The following CHSY3 variants were observed in gnomAD, a reference collection of about 807,000 sequenced individuals.
The protein encoded by CHSY3 is N-acetylgalactosaminyl-proteoglycan 3-beta-glucuronosyltransferase 3.
Under a neutral mutation model 67.2 loss-of-function variants are expected in CHSY3, and 35 were observed. The observed-to-expected ratio is 0.52, with a 90% CI of 0.40 to 0.69. The LOEUF is 0.69. CHSY3 is among the 30% of genes least tolerant of loss of function. The pLI is 0.00. For synonymous variants in CHSY3, 474 were observed against 434.7 expected (o/e 1.09, Z -1.12); for missense variants, 1,069 against 1,138.5 (o/e 0.94, Z 0.88).
At chr5:130,023,947 A>G (rs1764465005) in intron 2 of CHSY3, among the ~76,000 whole-genome samples, 1 of 151,864 alleles carries the variant, frequency 6.6e-6, no homozygotes, top group South Asian at 2.1e-4. Flanking sequence ...TCAAAGGGAA[A>G]TACAAGCTTT....
intron 2 of CHSY3, among the ~76,000 whole-genome samples, chr5:129,948,183 A>T (rs919660638): frequency 1.3e-5 from 2 of 152,120 alleles, no homozygotes; most frequent in Non-Finnish European, 2.9e-5. Flanking sequence ...AGATATTTTT[A>T]TTTATTTTTT....
At chr5:130,064,532 G>A (rs538644647) in intron 2 of CHSY3, among the ~76,000 whole-genome samples, 2 of 152,222 alleles carry the variant, frequency 1.3e-5, no homozygotes, top group Admixed American at 6.5e-5. Context: ...CTTCTATGGC[G>A]CATGTTAAGA....
intron 2 of CHSY3, among the ~76,000 whole-genome samples, chr5:130,133,683 A>AGGCCTC: frequency 6.7e-6 from 1 of 150,316 alleles, no homozygotes; most frequent in Admixed American, 6.7e-5. Context: ...GAGGCACGAG[A>AGGCCTC]ATTGCTTGAA....
At position 129,999,124 on chromosome 5, in the gene CHSY3, C is replaced by CT. The variant is rs376975711; in HGVS notation, c.1086+90777dup. Among the ~76,000 whole-genome samples the CT allele has an allele frequency of 2.4e-3, 341 of 141,704 alleles. 4 individuals carry two copies. Among genetic ancestry groups the CT allele is most frequent in the African/African-American group, 4.5e-3 (176 of 38,964 alleles). 93.0% of individuals were successfully genotyped at this position (141,704 alleles called of 152,430 possible). On this transcript the variant is annotated intron_variant, in intron 2 of 2. Coordinates refer to ENST00000305031, the MANE Select transcript of CHSY3 (RefSeq NM_175856.5). ...AAATACAGATCTAGCTCCCCCCTCC[C>CT]TTTTTTTTTTTTTGTTTCCTGTGTG...
intron 2 of CHSY3, among the ~76,000 whole-genome samples, chr5:130,076,639 T>TA (rs1766264442): frequency 6.6e-6 from 1 of 151,996 alleles, no homozygotes; most frequent in African/African-American, 2.4e-5. Flanking sequence ...TATGTTAAGA[T>TA]ACATACACAT....
At chr5:129,939,732 T>G (rs1761638246) in intron 2 of CHSY3, among the ~76,000 whole-genome samples, 1 of 152,216 alleles carries the variant, frequency 6.6e-6, no homozygotes, top group South Asian at 2.1e-4. Context: ...TTGAAAATGA[T>G]AGGCTGAAAA....
intron 2 of CHSY3, among the ~76,000 whole-genome samples, chr5:130,069,283 G>A (rs1765984750): frequency 6.6e-6 from 1 of 151,946 alleles, no homozygotes. Context: ...TGTGAATATT[G>A]ATCTATGACC....
chr5:129,950,277 C>T (rs1248842611), intron 2 of CHSY3, among the ~76,000 whole-genome samples: 1 of 151,926 alleles, frequency 6.6e-6, no homozygotes, highest in African/African-American at 2.4e-5. Flanking sequence ...AGAAATGTAC[C>T]TCACTACAGT....
In CHSY3 at chr5:130,086,775, T is replaced by G. The variant is rs1422049029; in HGVS notation, c.1087-97454T>G. Among the ~76,000 whole-genome samples, 3 of 152,086 alleles carry G rather than the reference T, an allele frequency of 2.0e-5. No individual in the cohort carries two copies. In the East Asian group the frequency reaches 5.8e-4, roughly 29 times the overall value. ...AGGACCACATGGATTCACAGCCGAA[T>G]TCTACCAGAGGTACAAGGAGGAACT... On this transcript the variant is annotated intron_variant, in intron 2 of 2. Coordinates refer to ENST00000305031, the MANE Select transcript of CHSY3 (RefSeq NM_175856.5).
chr5:130,158,626 A>G (rs1208598368), intron 2 of CHSY3, among the ~76,000 whole-genome samples: 1 of 152,192 alleles, frequency 6.6e-6, no homozygotes, highest in African/African-American at 2.4e-5. Flanking sequence ...AGGATCAGCC[A>G]TTAGTCAAGG....
chr5:129,932,486 C>A (rs1761348853), intron 2 of CHSY3, among the ~76,000 whole-genome samples: 1 of 151,706 alleles, frequency 6.6e-6, no homozygotes, highest in Admixed American at 6.6e-5. Flanking sequence ...TGTGTTTGGC[C>A]CAAAAATTGG....
chr5:129,931,510 C>T (rs1277625573), intron 2 of CHSY3, among the ~76,000 whole-genome samples: 1 of 152,050 alleles, frequency 6.6e-6, no homozygotes, highest in African/African-American at 2.4e-5. Flanking sequence ...AGACATTATA[C>T]AAGTTATTGT....
intron 2 of CHSY3, among the ~76,000 whole-genome samples, chr5:129,955,535 T>A (rs1017001688): frequency 2.0e-5 from 3 of 151,108 alleles, no homozygotes; most frequent in African/African-American, 7.3e-5. Flanking sequence ...TATTATTATA[T>A]ATATACATAT....
At chr5:130,076,932 C>T (rs1451512086) in intron 2 of CHSY3, among the ~76,000 whole-genome samples, 1 of 138,090 alleles carries the variant, frequency 7.2e-6, no homozygotes, top group Non-Finnish European at 1.5e-5. Flanking sequence ...GAACTTCACA[C>T]TCTGGGGACT....
intron 2 of CHSY3, among the ~76,000 whole-genome samples, chr5:129,917,810 G>A (rs1760780281): frequency 6.6e-6 from 1 of 152,146 alleles, no homozygotes; most frequent in Admixed American, 6.6e-5. Context: ...AAAAAATTCT[G>A]ATGCTGGACC....
Position 129,977,457 on chromosome 5 carries a change from A to G in CHSY3, c.1086+69097A>G, listed in dbSNP as rs80262632. 6.0e-3 allele frequency among the ~76,000 whole-genome samples: 908 copies of G among 152,318 alleles called. 8 individuals carry two copies. The highest frequency in any genetic ancestry group is 0.021 in the African/African-American group (873 of 41,582). ...CAAAGCAGTCTTTTGTACACATAATATATCTGCATTACATAAGTTGAATAT... is the reference window on the plus strand; with the variant it reads ...CAAAGCAGTCTTTTGTACACATAATGTATCTGCATTACATAAGTTGAATAT... On this transcript the variant is annotated intron_variant, in intron 2 of 2. Transcript: ENST00000305031.
intron 2 of CHSY3, among the ~76,000 whole-genome samples, chr5:130,115,231 T>G (rs1405961651): frequency 6.6e-6 from 1 of 150,416 alleles, no homozygotes; most frequent in Non-Finnish European, 1.5e-5. Context: ...TTATAGTTCT[T>G]TTTTCCCCCC....
chr5:130,108,418 A>G (rs1288345974), intron 2 of CHSY3, among the ~76,000 whole-genome samples: 4 of 151,610 alleles, frequency 2.6e-5, no homozygotes, highest in African/African-American at 9.7e-5. Flanking sequence ...AAAGTACTTA[A>G]TACAAATAAA....
intron 2 of CHSY3, among the ~76,000 whole-genome samples, chr5:130,065,672 G>A (rs11948230): frequency 0.065 from 9,850 of 152,110 alleles, 1,083 homozygotes; most frequent in African/African-American, 0.22. Context: ...ATCTAAGATA[G>A]CACTACTGTG....
Sources: allele counts gnomAD v4.1 joint callset (sites outside exome capture counted in the v4.1 genomes callset), GRCh38; gene constraint gnomAD v4.1.1; transcripts MANE v1.5; gene names NCBI Gene and HGNC (gene_info 2026-07-23, HGNC 2026-07-21).